The following EPHA10 variants were observed in gnomAD, a reference collection of about 807,000 sequenced individuals.
The protein encoded by EPHA10 is EPH receptor A10, also known as ephrin type-A receptor 10.
A neutral mutation model predicts 109.7 loss-of-function variants in EPHA10; 120 were observed. That is an observed-to-expected ratio of 1.09 (90% CI 0.94 to 1.27). The LOEUF (loss-of-function observed/expected upper bound fraction) is 1.27. Ranked by LOEUF, EPHA10 falls within the 50% of genes most tolerant of loss-of-function variation. EPHA10 has a pLI of 0.00. For synonymous variants in EPHA10, 640 were observed against 618.9 expected, an observed-to-expected ratio of 1.03 and a Z score of -0.51; for missense variants, 1,396 against 1,411.1, an observed-to-expected ratio of 0.99 and a Z score of 0.17.
chr1:37,725,518 A>G (rs1477948054), intron 8 of EPHA10, among the ~76,000 whole-genome samples: 1 of 150,902 alleles, frequency 6.6e-6, no homozygotes, highest in Non-Finnish European at 1.5e-5. Context: ...AAAAAAAAAA[A>G]AAAAAAAAAA....
intron 6 of EPHA10, among the ~76,000 whole-genome samples, chr1:37,732,013 C>T (rs527539261): frequency 6.3e-4 from 92 of 145,676 alleles, no homozygotes; most frequent in Non-Finnish European, 1.2e-3. Context: ...CAAGGCTTTT[C>T]CTTTCCTCGA....
At chr1:37,726,444 GCCC>G (rs1645892777) in intron 8 of EPHA10, among the ~76,000 whole-genome samples, 3 of 152,318 alleles carry the variant, frequency 2.0e-5, no homozygotes, top group Non-Finnish European at 2.9e-5. Context: ...TGGCTCCCCA[GCCC>G]GCCCAGCCTG....
At position 37,723,157 on chromosome 1, in the gene EPHA10, G is replaced by A; in HGVS notation, c.1844C>T (p.Pro615Leu). ...GGGGTCCAGGAATGTGCGACGTGTT[G>A]GGACTTTGACTGGGAGAGAAAGAGA... ...EEELYFHFKV[P>L]TRRTFLDPQS... The change falls in exon 10 of 17, where the codon CCA (proline) becomes CTA (leucine). Residue 615 changes from proline (P) to leucine (L), a missense_variant. Coordinates refer to ENST00000373048, the MANE Select transcript of EPHA10 (RefSeq NM_001099439.2). 2 of 1,613,556 alleles carry A rather than the reference G, an allele frequency of 1.2e-6. No individual in the cohort carries two copies. Among genetic ancestry groups the A allele is most frequent in the Non-Finnish European group, 1.7e-6 (2 of 1,179,658 alleles).
At chr1:37,761,222 T>C (rs1569771192) in intron 3 of EPHA10, 183 bp downstream of exon 3, 2 of 1,488,374 alleles carry the variant, frequency 1.3e-6, no homozygotes, top group Admixed American at 4.8e-5. Flanking sequence ...AGTTCACTCA[T>C]TGGCCCTGAC....
chr1:37,739,446 T>C (rs897270429), intron 5 of EPHA10, among the ~76,000 whole-genome samples: 6 of 152,180 alleles, frequency 3.9e-5, no homozygotes, highest in African/African-American at 1.2e-4. Flanking sequence ...CAGTACACTT[T>C]GGTAGGCCAA....
chr1:37,732,412 C>A (rs1257541347), intron 6 of EPHA10, among the ~76,000 whole-genome samples: 2 of 152,264 alleles, frequency 1.3e-5, no homozygotes, highest in Admixed American at 6.5e-5. Context: ...CTGCCCACAC[C>A]TTATTAGAGG....
intron 5 of EPHA10, among the ~76,000 whole-genome samples, chr1:37,743,255 T>A (rs946490659): frequency 1.3e-5 from 2 of 151,986 alleles, no homozygotes; most frequent in African/African-American, 2.4e-5. Flanking sequence ...TCTTGAAAAG[T>A]GATTTAATAT....
chr1:37,754,142 C>G lies in EPHA10; in HGVS notation c.1006+73G>C, dbSNP rs1034053653. The G allele has an allele frequency of 6.4e-6, 8 of 1,248,100 alleles. No individual in the cohort carries two copies. The highest frequency in any genetic ancestry group is 7.1e-6 in the Non-Finnish European group (7 of 988,668). 77.3% of individuals were successfully genotyped at this position (1,248,100 alleles called of 1,614,324 possible). A position where few individuals can be genotyped will look rare whatever the true frequency, so the allele number is the denominator to read the frequency against. ...TGCGGAGACCCTGCCCTCACCACCA[C>G]CTGGATCAGGCCTTCCTTCTTGGCC... On this transcript the variant is annotated intron_variant, in intron 4 of 16. Coordinates refer to ENST00000373048, the MANE Select transcript of EPHA10 (RefSeq NM_001099439.2). This position sits in a 1 kb window ranked among gnomAD's most constrained non-coding sequence, Gnocchi z 4.5.
chr1:37,726,627 T>C (rs1263503900), intron 8 of EPHA10, among the ~76,000 whole-genome samples: 1 of 152,208 alleles, frequency 6.6e-6, no homozygotes. Flanking sequence ...TCCTGCAAGC[T>C]TCTTTCTGCT....
At chr1:37,728,948 C>T (rs950939781) in intron 7 of EPHA10, among the ~76,000 whole-genome samples, 11 of 152,170 alleles carry the variant, frequency 7.2e-5, no homozygotes, top group African/African-American at 2.4e-4. Context: ...GGCATCCCTA[C>T]CTCCTGGTAT....
At chr1:37,735,674 A>T (rs631457) in intron 5 of EPHA10, among the ~76,000 whole-genome samples, 47,501 of 151,444 alleles carry the variant, frequency 0.31, 7,758 homozygotes, top group East Asian at 0.47. Flanking sequence ...CCCACCCCTT[A>T]CAGCCCAGCT....
At chr1:37,719,717 CA>C (rs1645756468) in intron 14 of EPHA10, 110 bp from the exon 15 acceptor site, 1 of 1,405,716 alleles carries the variant, frequency 7.1e-7, no homozygotes, top group Non-Finnish European at 9.8e-7. Flanking sequence ...CACACATGCG[CA>C]CACACAGACA....
chr1:37,731,719 C>G, intron 6 of EPHA10, 137 bp from the exon 7 acceptor site: 2 of 878,400 alleles, frequency 2.3e-6, no homozygotes, highest in Non-Finnish European at 3.3e-6. Context: ...CAACCTCAAT[C>G]ATCTTGGGGT....
chr1:37,721,255 T>TAAAAAAA (rs71732142), intron 11 of EPHA10, among the ~76,000 whole-genome samples: 1 of 113,562 alleles, frequency 8.8e-6, no homozygotes, highest in Non-Finnish European at 1.8e-5. Flanking sequence ...CCGTCTCTAC[T>TAAAAAAA]AAAAAAAAAA....
chr1:37,757,354 A>C (rs145659033), intron 3 of EPHA10, among the ~76,000 whole-genome samples: 37 of 152,310 alleles, frequency 2.4e-4, no homozygotes, highest in Non-Finnish European at 3.8e-4. Context: ...GAAGGCCTTA[A>C]CTTTCTAAAT....
intron 8 of EPHA10, among the ~76,000 whole-genome samples, chr1:37,726,892 A>G (rs1183230927): frequency 6.6e-6 from 1 of 152,186 alleles, no homozygotes; most frequent in Non-Finnish European, 1.5e-5. Context: ...TTCATCCCAG[A>G]GCAGCTGAGC....
intron 5 of EPHA10, among the ~76,000 whole-genome samples, chr1:37,745,139 A>T (rs75780058): frequency 0.013 from 2,038 of 152,304 alleles, 49 homozygotes; most frequent in African/African-American, 0.047. Context: ...ATTTTGCAAT[A>T]CATTTGTTTT....
At chr1:37,737,024 C>A (rs1303378285) in intron 5 of EPHA10, among the ~76,000 whole-genome samples, 1 of 152,130 alleles carries the variant, frequency 6.6e-6, no homozygotes, top group Non-Finnish European at 1.5e-5. Flanking sequence ...TCTCTACTAC[C>A]AAAAGTGATC....
chr1:37,762,884 G>A (rs926033632), intron 1 of EPHA10, 35 bp from the exon 2 acceptor site: 38 of 1,536,054 alleles, frequency 2.5e-5, no homozygotes, highest in African/African-American at 6.9e-5. Flanking sequence ...ATCAGAAATC[G>A]AGAAGGTCAG....
Sources: allele counts gnomAD v4.1 joint callset (sites outside exome capture counted in the v4.1 genomes callset), GRCh38; gene constraint gnomAD v4.1.1; non-coding constraint Gnocchi (gnomAD v3.1); transcripts MANE v1.5; gene names NCBI Gene and HGNC (gene_info 2026-07-23, HGNC 2026-07-21).